RBFOX1: variants seen among roughly 807,000 people sequenced by gnomAD.
RBFOX1 encodes RNA binding protein fox-1 homolog 1.
A neutral mutation model predicts 57.7 loss-of-function variants in RBFOX1; 8 were observed. The observed-to-expected ratio is 0.14, with a 90% CI of 0.08 to 0.25. The LOEUF (loss-of-function observed/expected upper bound fraction) is 0.25, where lower values mean the gene tolerates loss of function less well. Among genes scored for constraint, RBFOX1 ranks in the 10% least tolerant of loss-of-function variants. The probability of loss-of-function intolerance (pLI) is 1.00; values close to 1 mark genes in which losing one functional copy is unlikely to be tolerated. For missense variants in RBFOX1, 611 were observed against 548.5 expected (o/e 1.11, Z -1.14); for synonymous variants, 326 against 222.4 (o/e 1.47, Z -4.15).
intron 3 of RBFOX1, among the ~76,000 whole-genome samples, chr16:6,908,729 A>C (rs1228150577): frequency 6.6e-6 from 1 of 152,102 alleles, no homozygotes; most frequent in Non-Finnish European, 1.5e-5. Flanking sequence ...CCTTGTCCTC[A>C]ATCCTTGTTC....
At chr16:5,729,616 G>T (rs969318774) in intron 3 of RBFOX1, among the ~76,000 whole-genome samples, 1 of 151,970 alleles carries the variant, frequency 6.6e-6, no homozygotes, top group Non-Finnish European at 1.5e-5. Context: ...TCTTTACTAA[G>T]CTCACCTGTA....
intron 3 of RBFOX1, among the ~76,000 whole-genome samples, chr16:6,823,871 A>T (rs1415305744): frequency 1.3e-5 from 2 of 152,082 alleles, no homozygotes; most frequent in Non-Finnish European, 2.9e-5. Flanking sequence ...GCTGGGGTTG[A>T]GGGGATTACA....
At chr16:6,684,549 A>C (rs1267444879) in intron 3 of RBFOX1, among the ~76,000 whole-genome samples, 2 of 152,178 alleles carry the variant, frequency 1.3e-5, no homozygotes, top group Non-Finnish European at 1.5e-5. Context: ...TGGAGCTATC[A>C]ATTACTTCTA....
At chr16:5,442,889 C>T (rs147427598) in intron 1 of RBFOX1, among the ~76,000 whole-genome samples, 1 of 152,224 alleles carries the variant, frequency 6.6e-6, no homozygotes, top group Non-Finnish European at 1.5e-5. Context: ...TTTGAGATGA[C>T]CCTGCATTTA....
At chr16:6,572,554 TC>T in intron 2 of RBFOX1, among the ~76,000 whole-genome samples, 1 of 152,034 alleles carries the variant, frequency 6.6e-6, no homozygotes, top group African/African-American at 2.4e-5. Flanking sequence ...TGCTGAGTCT[TC>T]CCCAGATGGA....
chr16:7,341,776 C>CTCCCTCCCTCCT (rs2096900288), intron 4 of RBFOX1, among the ~76,000 whole-genome samples: 2 of 95,120 alleles, frequency 2.1e-5, no homozygotes, highest in African/African-American at 4.0e-5. Context: ...CCCTCCCTCC[C>CTCCCTCCCTCCT]TCCTTCCTTC....
chr16:5,930,114 G>T (rs2059018313), intron 4 of RBFOX1, among the ~76,000 whole-genome samples: 1 of 151,480 alleles, frequency 6.6e-6, no homozygotes, highest in Non-Finnish European at 1.5e-5. Flanking sequence ...TGGAAGGATG[G>T]GAGACAGGGT....
chr16:5,414,781 C>G (rs79073010), intron 1 of RBFOX1, among the ~76,000 whole-genome samples: 1 of 152,122 alleles, frequency 6.6e-6, no homozygotes, highest in Non-Finnish European at 1.5e-5. Flanking sequence ...TGACAACTGG[C>G]TGGACATAAC....
intron 3 of RBFOX1, among the ~76,000 whole-genome samples, chr16:6,823,278 A>C (rs2091626436): frequency 6.6e-6 from 1 of 151,242 alleles, no homozygotes; most frequent in African/African-American, 2.4e-5. Flanking sequence ...TTTTCCCCAG[A>C]AAGAGTCTTG....
chr16:6,259,986 A>C (rs2097692174), intron 1 of RBFOX1, among the ~76,000 whole-genome samples: 1 of 151,976 alleles, frequency 6.6e-6, no homozygotes, highest in African/African-American at 2.4e-5. Flanking sequence ...GCTGATGAAA[A>C]TAAGTCCATT....
At chr16:6,486,300 C>G (rs1004626944) in intron 2 of RBFOX1, among the ~76,000 whole-genome samples, 1 of 151,790 alleles carries the variant, frequency 6.6e-6, no homozygotes, top group Non-Finnish European at 1.5e-5. Context: ...ATTACAACAT[C>G]TAGTGAAGAA....
At chr16:7,573,544 A>C (rs1371049053) in intron 5 of RBFOX1, among the ~76,000 whole-genome samples, 1 of 152,140 alleles carries the variant, frequency 6.6e-6, no homozygotes, top group Non-Finnish European at 1.5e-5. Flanking sequence ...GCCAAACATA[A>C]CTTTTATGGC....
intron 2 of RBFOX1, among the ~76,000 whole-genome samples, chr16:6,533,662 C>G (rs997515477): frequency 2.0e-5 from 3 of 152,040 alleles, no homozygotes; most frequent in Admixed American, 6.6e-5. Context: ...AATCCTGGAC[C>G]TACTGGATGC....
At position 5,265,600 on chromosome 16, in the gene RBFOX1, C is replaced by G. The variant is rs189125236; in HGVS notation, c.219+25495C>G. 7.1e-4 allele frequency among the ~76,000 whole-genome samples: 108 copies of G among 152,272 alleles called. 1 individual carries two copies. Among genetic ancestry groups the G allele is most frequent in the African/African-American group, 2.4e-3 (98 of 41,538 alleles). ...AAAATGCTGATCAATATGTGTAGCT[C>G]AGGAGGTAGAGCTTGCTTTGAGATG... On this transcript the variant is annotated intron_variant, in intron 1 of 2. Transcript: ENST00000585867.
At chr16:6,904,031 C>T (rs12928964) in intron 3 of RBFOX1, among the ~76,000 whole-genome samples, 4 of 152,038 alleles carry the variant, frequency 2.6e-5, no homozygotes, top group African/African-American at 9.7e-5. Flanking sequence ...ATGCCCCCAC[C>T]TGAGGTCATA....
chr16:5,696,712 G>A (rs28736273), intron 3 of RBFOX1, among the ~76,000 whole-genome samples: 3,616 of 152,190 alleles, frequency 0.024, 147 homozygotes, highest in African/African-American at 0.082. Flanking sequence ...CTTGAGGAGA[G>A]TTTACATTCT....
chr16:5,623,141 G>A (rs984120774), intron 3 of RBFOX1, among the ~76,000 whole-genome samples: 2 of 152,116 alleles, frequency 1.3e-5, no homozygotes, highest in African/African-American at 4.8e-5. Context: ...CCAATCCCTG[G>A]CTTAGTCTAA....
chr16:5,613,234 C>A (rs948528197), intron 3 of RBFOX1, among the ~76,000 whole-genome samples: 3 of 152,084 alleles, frequency 2.0e-5, no homozygotes, highest in Admixed American at 1.3e-4. Context: ...CTCCCCACAC[C>A]CAACATGTGG....
intron 3 of RBFOX1, among the ~76,000 whole-genome samples, chr16:5,693,223 T>G (rs2050745493): frequency 6.6e-6 from 1 of 152,076 alleles, no homozygotes; most frequent in Non-Finnish European, 1.5e-5. Flanking sequence ...TTTAACCCTC[T>G]CCTGACCTAA....
Sources: gnomAD v4.1 joint callset for allele counts (sites outside exome capture counted in the v4.1 genomes callset) on GRCh38, gnomAD v4.1.1 for gene constraint, MANE v1.5 for transcripts, NCBI Gene and HGNC (gene_info 2026-07-23, HGNC 2026-07-21) for gene names.